Variants in WDFY3 observed in about 807,000 individuals in gnomAD.
The protein encoded by WDFY3 is WD repeat and FYVE domain-containing protein 3.
In WDFY3, 66 loss-of-function variants were observed where a neutral mutation model predicts 409.6. The observed-to-expected ratio is 0.16, with a 90% confidence interval of 0.13 to 0.20. WDFY3 has a LOEUF of 0.20. Among genes scored for constraint, WDFY3 ranks in the 10% least tolerant of loss-of-function variants. The pLI is 1.00. For synonymous variants in WDFY3, 1,521 were observed against 1,537.1 expected, an observed-to-expected ratio of 0.99 and a Z score of 0.25; for missense variants, 3,031 against 4,298.1, an observed-to-expected ratio of 0.71 and a Z score of 8.24.
chr4:84,813,458 C>T (rs1011701283), intron 13 of WDFY3, among the ~76,000 whole-genome samples: 1 of 152,172 alleles, frequency 6.6e-6, no homozygotes, highest in Non-Finnish European at 1.5e-5. Context: ...CTGAATTTTA[C>T]TATTATCTAT....
chr4:84,737,706 A>C (rs1164704117), intron 40 of WDFY3, among the ~76,000 whole-genome samples: 2 of 152,234 alleles, frequency 1.3e-5, no homozygotes, highest in African/African-American at 4.8e-5. Flanking sequence ...TGAATGTTTA[A>C]GGTGAGTTCA....
At chr4:84,718,612 G>A in intron 47 of WDFY3, 42 bp from the exon 48 acceptor site, 1 of 1,584,738 alleles carries the variant, frequency 6.3e-7, no homozygotes, top group Non-Finnish European at 8.6e-7. Flanking sequence ...TAGGCTTTTT[G>A]TAAAGATCAA....
intron 2 of WDFY3, among the ~76,000 whole-genome samples, chr4:84,907,615 C>T (rs1302249999): frequency 2.0e-5 from 3 of 152,164 alleles, no homozygotes; most frequent in Admixed American, 2.0e-4. Flanking sequence ...TAAACCACTC[C>T]TAAATACCTG....
chr4:84,700,536 G>A (rs1174650686), intron 56 of WDFY3, among the ~76,000 whole-genome samples: 1 of 152,152 alleles, frequency 6.6e-6, no homozygotes, highest in Non-Finnish European at 1.5e-5. Context: ...GCTATTTCAA[G>A]GAGGGAAGAT....
chr4:84,820,675 G>A (rs111245086), intron 11 of WDFY3, among the ~76,000 whole-genome samples: 28 of 151,944 alleles, frequency 1.8e-4, no homozygotes, highest in African/African-American at 6.3e-4. Flanking sequence ...TTAAATATAC[G>A]TATTTGCTCT....
At chr4:84,709,488 T>C in intron 51 of WDFY3, 141 bp from the exon 52 acceptor site, 1 of 644,260 alleles carries the variant, frequency 1.6e-6, no homozygotes, top group Non-Finnish European at 2.6e-6. Flanking sequence ...AAAATCAGTT[T>C]AGTGGGTTGT....
intron 17 of WDFY3, among the ~76,000 whole-genome samples, chr4:84,801,155 T>A (rs528455971): frequency 2.0e-5 from 3 of 152,202 alleles, no homozygotes; most frequent in Non-Finnish European, 2.9e-5. Flanking sequence ...CAATAACAGA[T>A]AATTGTATGT....
At chr4:84,824,238 G>C (rs563578446) in intron 10 of WDFY3, among the ~76,000 whole-genome samples, 1 of 152,220 alleles carries the variant, frequency 6.6e-6, no homozygotes, top group African/African-American at 2.4e-5. Context: ...TTCTGAGACA[G>C]AGTGCTCATG....
At chr4:84,930,231 T>TC (rs1296464679) in intron 2 of WDFY3, among the ~76,000 whole-genome samples, 5 of 152,102 alleles carry the variant, frequency 3.3e-5, no homozygotes, top group Non-Finnish European at 7.3e-5. Flanking sequence ...AAAATTAGCC[T>TC]CCATTTAGGA....
intron 47 of WDFY3, among the ~76,000 whole-genome samples, chr4:84,720,047 T>C (rs570652538): frequency 1.2e-3 from 182 of 152,292 alleles, no homozygotes; most frequent in Non-Finnish European, 2.2e-3. Flanking sequence ...CACATTCAAG[T>C]CATTCATTCC....
chr4:84,851,660 G>A (rs972366219), intron 4 of WDFY3, among the ~76,000 whole-genome samples: 1 of 152,084 alleles, frequency 6.6e-6, no homozygotes, highest in African/African-American at 2.4e-5. Flanking sequence ...TTGGCTCAAA[G>A]ATACAGAAGA....
At chr4:84,877,497 C>T (rs1221810414) in intron 3 of WDFY3, among the ~76,000 whole-genome samples, 1 of 152,088 alleles carries the variant, frequency 6.6e-6, no homozygotes, top group African/African-American at 2.4e-5. Context: ...TGGGGTCTCA[C>T]TATGTTGCCC....
At chr4:84,705,212 A>G (rs544230342) in intron 54 of WDFY3, among the ~76,000 whole-genome samples, 182 bp downstream of exon 54, 25 of 152,338 alleles carry the variant, frequency 1.6e-4, no homozygotes, top group African/African-American at 5.1e-4. Context: ...AAGCATGGCC[A>G]TAAGTTGGCA....
intron 7 of WDFY3, among the ~76,000 whole-genome samples, chr4:84,836,381 A>G (rs1756576111): frequency 1.3e-5 from 2 of 152,156 alleles, no homozygotes; most frequent in South Asian, 4.1e-4. Flanking sequence ...ATACATGATG[A>G]CTATATTCCT....
Position 84,868,103 on chromosome 4 carries a change from T to A in WDFY3, c.-31-7481A>T, listed in dbSNP as rs150451722. 2.4e-3 allele frequency among the ~76,000 whole-genome samples: 284 copies of A among 120,560 alleles called. 1 individual carries two copies. In the East Asian group the frequency reaches 0.035, roughly 15 times the overall value. The allele number at this position is 120,560 out of a possible 152,430, so 79.1% of individuals were successfully genotyped here. A position where few individuals can be genotyped will look rare whatever the true frequency, so the allele number is the denominator to read the frequency against. On this transcript the variant is annotated intron_variant, in intron 3 of 67. Coordinates refer to ENST00000295888, the MANE Select transcript of WDFY3 (RefSeq NM_014991.6). ...AGAATGGCTTGAACCCAGGAGGAGGTGGAGCTTTAAGTGAGCCGAGATCAT... is the reference window on the plus strand; with the variant it reads ...AGAATGGCTTGAACCCAGGAGGAGGAGGAGCTTTAAGTGAGCCGAGATCAT...
chr4:84,718,220 T>C (rs1734285215), intron 48 of WDFY3, among the ~76,000 whole-genome samples: 2 of 152,106 alleles, frequency 1.3e-5, no homozygotes, highest in South Asian at 4.1e-4. Context: ...TTAGCTTTCA[T>C]CTTGATAAAT....
chr4:84,711,289 G>C lies in WDFY3; in HGVS notation c.8042+1870C>G, dbSNP rs190364894. On this transcript the variant is annotated intron_variant, in intron 51 of 67. Coordinates refer to ENST00000295888, the MANE Select transcript of WDFY3 (RefSeq NM_014991.6). ...TGATAGGTCAGAATACATAAAAACA[G>C]AAGTTTAAATGTAAATGTCAAAAAG... 3.2e-4 allele frequency among the ~76,000 whole-genome samples: 48 copies of C among 152,258 alleles called. 1 individual carries two copies. In the East Asian group the frequency reaches 7.9e-3, roughly 25 times the overall value.
At chr4:84,714,571 T>A (rs1733518752) in intron 50 of WDFY3, among the ~76,000 whole-genome samples, 1 of 152,188 alleles carries the variant, frequency 6.6e-6, no homozygotes, top group African/African-American at 2.4e-5. Flanking sequence ...TGAATTAAAT[T>A]TACTCAGTCC....
chr4:84,932,150 T>C (rs1770842418), intron 2 of WDFY3, 120 bp downstream of exon 2: 1 of 152,108 alleles, frequency 6.6e-6, no homozygotes. Flanking sequence ...TAAAGGACGG[T>C]TGAAACCCAA....
Sources: gnomAD v4.1 joint callset for allele counts (sites outside exome capture counted in the v4.1 genomes callset) on GRCh38, gnomAD v4.1.1 for gene constraint, MANE v1.5 for transcripts, NCBI Gene and HGNC (gene_info 2026-07-23, HGNC 2026-07-21) for gene names.